The following CCDC47 variants were observed in gnomAD, a reference collection of about 807,000 sequenced individuals.
CCDC47 encodes the protein coiled-coil domain containing 47.
In CCDC47, 41 loss-of-function variants were observed where a neutral mutation model predicts 60.5. The observed-to-expected ratio is 0.68, with a 90% CI of 0.53 to 0.88. CCDC47 has a LOEUF of 0.88. CCDC47 is among the 40% of genes least tolerant of loss of function. CCDC47 has a pLI of 0.00. For missense variants in CCDC47, 513 were observed against 580.9 expected (o/e 0.88, Z 1.20); for synonymous variants, 195 against 190.7 (o/e 1.02, Z -0.18).
intron 1 of CCDC47, among the ~76,000 whole-genome samples, chr17:63,770,124 T>C (rs1319707976): frequency 6.6e-6 from 1 of 151,992 alleles, no homozygotes; most frequent in Non-Finnish European, 1.5e-5. Context: ...CATGCCTGGC[T>C]AATTTTTTTT....
At chr17:63,771,013 A>AAAGAAAGG in intron 1 of CCDC47, among the ~76,000 whole-genome samples, 1 of 110,200 alleles carries the variant, frequency 9.1e-6, no homozygotes, top group East Asian at 3.2e-4. Flanking sequence ...AGAAAGAAAG[A>AAAGAAAGG]AAGGAAGGAA....
chr17:63,760,675 C>T (rs568280415), intron 6 of CCDC47, among the ~76,000 whole-genome samples: 28 of 152,004 alleles, frequency 1.8e-4, no homozygotes, highest in African/African-American at 6.8e-4. Flanking sequence ...CCTGACTCTA[C>T]TAAAAATACA....
intron 3 of CCDC47, among the ~76,000 whole-genome samples, chr17:63,764,428 T>A (rs3744293): frequency 0.7 from 106,431 of 152,150 alleles, 38,678 homozygotes; most frequent in African/African-American, 0.92. Flanking sequence ...AGCCCTTTGT[T>A]TTACACTTGG....
At chr17:63,757,955 C>T (rs183202499) in intron 6 of CCDC47, among the ~76,000 whole-genome samples, 15 of 152,162 alleles carry the variant, frequency 9.9e-5, no homozygotes, top group African/African-American at 3.4e-4. Context: ...CCCTTACCTC[C>T]GTGAAAGAGA....
At chr17:63,761,132 C>A in intron 5 of CCDC47, 98 bp downstream of exon 5, 2 of 1,505,398 alleles carry the variant, frequency 1.3e-6, no homozygotes, top group South Asian at 1.1e-5. Flanking sequence ...CATTTTAAGT[C>A]AAACATGAAG....
intron 1 of CCDC47, among the ~76,000 whole-genome samples, chr17:63,770,262 C>T (rs73329926): frequency 0.033 from 5,095 of 152,094 alleles, 281 homozygotes; most frequent in African/African-American, 0.12. Context: ...CATGAGCCAC[C>T]GTGCCCGGAC....
chr17:63,757,362 G>A (rs1258480506), intron 6 of CCDC47, among the ~76,000 whole-genome samples: 3 of 140,554 alleles, frequency 2.1e-5, no homozygotes, highest in African/African-American at 5.2e-5. Flanking sequence ...GCAAGACCCT[G>A]TCTCAAAAAA....
In CCDC47 at chr17:63,764,867, T is replaced by G; in HGVS notation, c.265-20A>C. The G allele has an allele frequency of 6.2e-7, 1 of 1,603,898 alleles. No homozygotes were observed. The highest frequency in any genetic ancestry group is 1.1e-5 in the South Asian group (1 of 88,572). ...TCCCTCCTACAAAAATGAGGCATCA[T>G]CCGTTTTCCTCTACAAATGTCACCA... On this transcript the variant is annotated intron_variant, in intron 2 of 12. Coordinates refer to ENST00000225726, the MANE Select transcript of CCDC47 (RefSeq NM_020198.3).
At chr17:63,752,170 G>A (rs554820972) in intron 11 of CCDC47, 63 bp from the exon 12 acceptor site, 35 of 1,571,802 alleles carry the variant, frequency 2.2e-5, no homozygotes, top group East Asian at 9.0e-5. Flanking sequence ...ACAAAATCCC[G>A]TTTAGCATTC....
intron 1 of CCDC47, among the ~76,000 whole-genome samples, chr17:63,770,999 AG>A (rs146185428): frequency 0.25 from 24,570 of 98,082 alleles, 3,191 homozygotes; most frequent in Middle Eastern, 0.36. Context: ...AAAAAAAAAA[AG>A]AAAGAAAGAA....
At chr17:63,758,012 A>G (rs1251609411) in intron 6 of CCDC47, among the ~76,000 whole-genome samples, 1 of 152,156 alleles carries the variant, frequency 6.6e-6, no homozygotes, top group Non-Finnish European at 1.5e-5. Context: ...CAAGATTTAG[A>G]GAGCTTCCAA....
rs1168385351 is a variant in CCDC47, at chr17:63,759,521, ATATATT to A, written c.735+1387_735+1392del. ...AAAAAAAAAAAAAATATATATATAT[ATATATT>A]TATATATATATATATATATATATAT... On this transcript the variant is annotated intron_variant, in intron 6 of 12. Transcript: ENST00000225726. Among the ~76,000 whole-genome samples the A allele has an allele frequency of 1.6e-3, 19 of 12,024 alleles. 1 individual carries two copies. Among genetic ancestry groups the A allele is most frequent in the African/African-American group, 3.8e-3 (5 of 1,326 alleles). 7.9% of individuals were successfully genotyped at this position (12,024 alleles called of 152,430 possible).
intron 1 of CCDC47, among the ~76,000 whole-genome samples, chr17:63,772,624 A>G (rs988260699): frequency 6.6e-6 from 1 of 152,122 alleles, no homozygotes; most frequent in African/African-American, 2.4e-5. Flanking sequence ...CGGAACAGTC[A>G]ACTCGATTAA....
At chr17:63,750,590 CTT>C (rs71155982) in intron 12 of CCDC47, among the ~76,000 whole-genome samples, 6 of 145,816 alleles carry the variant, frequency 4.1e-5, no homozygotes, top group African/African-American at 2.5e-5. Context: ...TGTCCTCTCC[CTT>C]TTTTTTTTTT....
intron 9 of CCDC47, among the ~76,000 whole-genome samples, chr17:63,754,031 G>A (rs1486204428): frequency 3.9e-5 from 6 of 152,124 alleles, no homozygotes; most frequent in African/African-American, 7.2e-5. Context: ...GCTTGAACCC[G>A]GGAGGCGGAG....
intron 12 of CCDC47, chr17:63,747,244 GT>G (rs1407325162): frequency 1.0e-6 from 1 of 984,708 alleles, no homozygotes; most frequent in Non-Finnish European, 1.2e-6. Context: ...TGTTATTCTG[GT>G]TTGATTTTTT....
intron 1 of CCDC47, among the ~76,000 whole-genome samples, chr17:63,769,619 A>AAT (rs1322259527): frequency 6.6e-6 from 1 of 151,530 alleles, no homozygotes; most frequent in Non-Finnish European, 1.5e-5. Context: ...ATCTCAAAAA[A>AAT]AAAAAAAAAG....
At chr17:63,753,656 A>G (rs1347010386) in intron 9 of CCDC47, 1 of 982,494 alleles carries the variant, frequency 1.0e-6, no homozygotes, top group Non-Finnish European at 1.2e-6. Flanking sequence ...CTATAAAGCT[A>G]GAAACCCTAT....
intron 4 of CCDC47, chr17:63,761,949 T>C (rs1290059748): frequency 9.7e-6 from 7 of 719,664 alleles, no homozygotes; most frequent in Non-Finnish European, 1.0e-5. Flanking sequence ...ACATACAAAA[T>C]GGGAAAAAAA....
Sources: gnomAD v4.1 joint callset for allele counts (sites outside exome capture counted in the v4.1 genomes callset) on GRCh38, gnomAD v4.1.1 for gene constraint, MANE v1.5 for transcripts, NCBI Gene and HGNC (gene_info 2026-07-23, HGNC 2026-07-21) for gene names.